The following CYREN variants were observed in gnomAD, a reference collection of about 807,000 sequenced individuals.
CYREN encodes cell cycle regulator of NHEJ, also known as cell cycle regulator of non-homologous end joining.
A neutral mutation model predicts 9.7 loss-of-function variants in CYREN; 7 were observed. The observed-to-expected ratio is 0.72, with a 90% CI of 0.41 to 1.36. CYREN has a LOEUF of 1.36. CYREN is among the 40% of genes most tolerant of loss of function. The pLI is 0.01. For synonymous variants in CYREN, 76 were observed against 77.9 expected, an observed-to-expected ratio of 0.98 and a Z score of 0.13; for missense variants, 215 against 198.1, an observed-to-expected ratio of 1.09 and a Z score of -0.51.
rs760068106 is a variant in CYREN at position 135,135,000 on chromosome 7, A to C, written n.356+33749T>G. 6.4e-6 allele frequency: 10 copies of C among 1,551,076 alleles called. No individual in the cohort carries two copies. In the African/African-American group the frequency reaches 8.2e-5, roughly 13 times the overall value. On this transcript the variant is annotated intron_variant and non_coding_transcript_variant, in intron 2 of 2. Coordinates refer to the CYREN transcript ENST00000459937. ...CATTGGAAAGTTTATCACCTCTCAA[A>C]GGCCCCAAGAAGAATAAACATTCTC...
chr7:135,101,518 G>A (rs1218310476), intron 2 of CYREN, among the ~76,000 whole-genome samples: 1 of 151,824 alleles, frequency 6.6e-6, no homozygotes, highest in Non-Finnish European at 1.5e-5. Flanking sequence ...CTTAATTGCT[G>A]TATTCCTAAT....
intron 2 of CYREN, among the ~76,000 whole-genome samples, chr7:135,108,100 G>A (rs1404083847): frequency 6.6e-6 from 1 of 151,802 alleles, no homozygotes; most frequent in Non-Finnish European, 1.5e-5. Context: ...TGAGCCTATG[G>A]GTGTCACTGC....
At chr7:135,170,124 C>G (rs1012024754) in intron 1 of CYREN, among the ~76,000 whole-genome samples, 1 of 152,390 alleles carries the variant, frequency 6.6e-6, no homozygotes, top group Non-Finnish European at 1.5e-5. Flanking sequence ...TGCAGAAGAT[C>G]ACAGAAAAGT....
chr7:135,131,321 G>C (rs1489631886), intron 2 of CYREN, among the ~76,000 whole-genome samples: 1 of 151,988 alleles, frequency 6.6e-6, no homozygotes, highest in African/African-American at 2.4e-5. Flanking sequence ...TGCGGGGTGA[G>C]GGGTGAGGGG....
At chr7:135,166,931 T>G in intron 3 of CYREN, 60 bp from the exon 4 acceptor site, 1 of 1,580,246 alleles carries the variant, frequency 6.3e-7, no homozygotes, top group Non-Finnish European at 8.6e-7. Context: ...AACATGCTGA[T>G]CTGTCAGTAA....
Position 135,166,503 on chromosome 7 carries a change from G to A in CYREN, c.*108C>T, listed in dbSNP as rs1003690791. 2 of 1,489,964 alleles carry A rather than the reference G, an allele frequency of 1.3e-6. No individual in the cohort carries two copies. The highest frequency in any genetic ancestry group is 2.8e-5 in the African/African-American group (2 of 71,510). 92.3% of individuals were successfully genotyped at this position (1,489,964 alleles called of 1,614,324 possible). On this transcript the variant is annotated 3_prime_UTR_variant, in exon 4 of 4. Coordinates refer to ENST00000393114, the MANE Select transcript of CYREN (RefSeq NM_024033.4). ...CCAGGCCCAAGAAGGCACAAAGGTA[G>A]GAGCACAGAGAGCCCCATTCCCACA...
chr7:135,128,349 T>C (rs958605293), intron 2 of CYREN: 1 of 341,462 alleles, frequency 2.9e-6, no homozygotes, highest in Non-Finnish European at 5.3e-6. Flanking sequence ...AACAAGGCAT[T>C]TGTAAACTGT....
intron 2 of CYREN, among the ~76,000 whole-genome samples, chr7:135,110,728 A>G (rs1825513635): frequency 6.6e-6 from 1 of 151,754 alleles, no homozygotes; most frequent in Non-Finnish European, 1.5e-5. Flanking sequence ...GTGTTCACTC[A>G]CTCCTTCAGT....
chr7:135,131,850 G>A (rs1828824224), intron 2 of CYREN, among the ~76,000 whole-genome samples: 1 of 152,032 alleles, frequency 6.6e-6, no homozygotes. Context: ...CATGAGGAAT[G>A]AAACAGGATA....
At chr7:135,149,589 T>C (rs575846425) in intron 2 of CYREN, among the ~76,000 whole-genome samples, 1 of 152,334 alleles carries the variant, frequency 6.6e-6, no homozygotes, top group Non-Finnish European at 1.5e-5. Context: ...GTTTTTAATG[T>C]TTATTGCCAA....
rs375936955 is a variant in CYREN, at chr7:135,127,425, C to T, written n.357-32843G>A. ...AAATTAGCCGGGGTGTGGTGGCGCA[C>T]GCCTGTAGTCCCAGCTACTCGGGAG... On this transcript the variant is annotated intron_variant and non_coding_transcript_variant, in intron 2 of 2. Coordinates refer to the CYREN transcript ENST00000459937. Among the ~76,000 whole-genome samples the T allele has an allele frequency of 8.5e-5, 13 of 152,116 alleles. No individual in the cohort carries two copies. In the East Asian group the frequency reaches 1.2e-3, roughly 14 times the overall value.
chr7:135,103,647 T>C (rs1164351642), intron 2 of CYREN, among the ~76,000 whole-genome samples: 1 of 152,184 alleles, frequency 6.6e-6, no homozygotes, highest in Non-Finnish European at 1.5e-5. Flanking sequence ...TCTATCTCAG[T>C]AGGAGACTGA....
rs1417108783 is a variant in CYREN at position 135,131,013 on chromosome 7, G to A, written n.357-36431C>T. Among the ~76,000 whole-genome samples the A allele has an allele frequency of 4.6e-5, 7 of 152,016 alleles. No individual in the cohort carries two copies. The South Asian group carries it at 8.3e-4, about 18-fold the overall frequency. Reference sequence around the variant, plus strand: ...CTTTGTCATTGAAAATTGAAGAATTGCTTTTAACTGTTTTAGGTGTGTGTG... The same window carrying A: ...CTTTGTCATTGAAAATTGAAGAATTACTTTTAACTGTTTTAGGTGTGTGTG... On this transcript the variant is annotated intron_variant and non_coding_transcript_variant, in intron 2 of 2. Coordinates refer to the CYREN transcript ENST00000459937.
intron 2 of CYREN, among the ~76,000 whole-genome samples, chr7:135,137,841 A>G (rs536855704): frequency 6.6e-6 from 1 of 152,202 alleles, no homozygotes; most frequent in Admixed American, 6.5e-5. Context: ...CAGTGAGGGC[A>G]GTCATCTTGG....
chr7:135,137,215 A>G (rs1464015932), intron 2 of CYREN, among the ~76,000 whole-genome samples: 1 of 152,072 alleles, frequency 6.6e-6, no homozygotes, highest in Admixed American at 6.6e-5. Flanking sequence ...ATGGGAACTA[A>G]GAAACAAAAA....
chr7:135,118,151 C>T (rs1826591968), intron 2 of CYREN, among the ~76,000 whole-genome samples: 1 of 152,068 alleles, frequency 6.6e-6, no homozygotes, highest in Non-Finnish European at 1.5e-5. Context: ...CTTCCCCTAC[C>T]CTACCTTATG....
At chr7:135,167,959 CA>C in intron 2 of CYREN, 152 bp from the exon 3 acceptor site, 2 of 1,350,104 alleles carry the variant, frequency 1.5e-6, no homozygotes, top group South Asian at 2.8e-5. Context: ...GACACGGACA[CA>C]ATTTCCTCAG....
downstream of CYREN, chr7:135,165,183 T>A (rs1830062109): frequency 1.6e-6 from 1 of 614,528 alleles, no homozygotes; most frequent in African/African-American, 1.8e-5. Context: ...ACCTGTGACT[T>A]CTTAGTACAA....
chr7:135,103,259 A>G (rs1381170205), intron 2 of CYREN, among the ~76,000 whole-genome samples: 3 of 152,140 alleles, frequency 2.0e-5, no homozygotes, highest in East Asian at 3.9e-4. Context: ...AATATTAATC[A>G]CTGCAGCAAA....
Sources: allele counts gnomAD v4.1 joint callset (sites outside exome capture counted in the v4.1 genomes callset), GRCh38; gene constraint gnomAD v4.1.1; transcripts MANE v1.5; gene names NCBI Gene and HGNC (gene_info 2026-07-23, HGNC 2026-07-21).